The following NR2F1-AS1 variants were observed in gnomAD, a reference collection of about 807,000 sequenced individuals.
The protein encoded by NR2F1-AS1 is NR2F1 antisense RNA 1.
chr5:93,515,170 T>C (rs891505708), intron 4 of NR2F1-AS1, among the ~76,000 whole-genome samples: 7 of 151,962 alleles, frequency 4.6e-5, no homozygotes, highest in Admixed American at 6.6e-5. Flanking sequence ...ATTTTAAGTG[T>C]ATGAAGTGAA....
Position 93,579,284 on chromosome 5 carries a change from A to T in NR2F1-AS1, n.313+1183T>A, listed in dbSNP as rs1752965200. Among the ~76,000 whole-genome samples, 1 of 152,120 alleles carries T rather than the reference A, an allele frequency of 6.6e-6. No individual in the cohort carries two copies. Among genetic ancestry groups the T allele is most frequent in the Non-Finnish European group, 1.5e-5 (1 of 68,016 alleles). On this transcript the variant is annotated intron_variant and non_coding_transcript_variant, in intron 1 of 5. Coordinates refer to ENST00000660523, the Ensembl canonical transcript of NR2F1-AS1. The surrounding 1 kb of genome is among the most constrained non-coding windows in gnomAD (Gnocchi z 5.1). ...CGCTGCTCCGGGCATCACCACCAAC[A>T]GCTTCCCACTCCCACCCCTGGGACT...
chr5:93,527,523 G>C (rs1751643202), intron 4 of NR2F1-AS1, among the ~76,000 whole-genome samples: 1 of 152,108 alleles, frequency 6.6e-6, no homozygotes, highest in South Asian at 2.1e-4. Context: ...AACCAAAAAA[G>C]AGCCTGTATA....
chr5:93,430,073 G>A (rs959679068), intron 4 of NR2F1-AS1, among the ~76,000 whole-genome samples: 6 of 152,060 alleles, frequency 3.9e-5, no homozygotes, highest in African/African-American at 7.2e-5. Context: ...AGTAGTCCTC[G>A]ACAATTAATT....
At chr5:93,572,219 A>C (rs1002845972) in intron 1 of NR2F1-AS1, among the ~76,000 whole-genome samples, 1 of 152,162 alleles carries the variant, frequency 6.6e-6, no homozygotes, top group African/African-American at 2.4e-5. Context: ...ACACACTCAC[A>C]CGGGCGCGTG....
At chr5:93,583,723 A>C (rs1395878308), upstream of NR2F1-AS1, 5 of 152,168 alleles carry the variant, frequency 3.3e-5, no homozygotes, top group Non-Finnish European at 5.9e-5. Flanking sequence ...ATAGCAGAAG[A>C]AGCAGAAGAA....
intron 2 of NR2F1-AS1, among the ~76,000 whole-genome samples, chr5:93,558,311 A>G (rs1378469571): frequency 1.3e-5 from 2 of 151,544 alleles, no homozygotes; most frequent in Non-Finnish European, 2.9e-5. Flanking sequence ...GCCTTATAAA[A>G]TGTATTTCTT....
chr5:93,541,267 A>G (rs1751944306), intron 4 of NR2F1-AS1, among the ~76,000 whole-genome samples: 1 of 152,206 alleles, frequency 6.6e-6, no homozygotes, highest in South Asian at 2.1e-4. Context: ...CACTCCTCCC[A>G]TGTGATAAGC....
chr5:93,493,452 C>A (rs1031480996), intron 4 of NR2F1-AS1, among the ~76,000 whole-genome samples: 1 of 151,998 alleles, frequency 6.6e-6, no homozygotes, highest in Non-Finnish European at 1.5e-5. Flanking sequence ...AATTGTAAGA[C>A]TTAATATTGT....
chr5:93,545,979 C>T (rs1331029268), intron 4 of NR2F1-AS1, among the ~76,000 whole-genome samples: 1 of 152,166 alleles, frequency 6.6e-6, no homozygotes, highest in African/African-American at 2.4e-5. Context: ...TATATAGAGA[C>T]AACCTGAGTG....
chr5:93,578,705 G>A (rs1234030508), intron 1 of NR2F1-AS1, among the ~76,000 whole-genome samples: 1 of 152,184 alleles, frequency 6.6e-6, no homozygotes, highest in Non-Finnish European at 1.5e-5. Flanking sequence ...CTGAAGAAGA[G>A]GGGGTGGGTG....
chr5:93,475,331 T>C (rs17083181), intron 4 of NR2F1-AS1, among the ~76,000 whole-genome samples: 15,539 of 152,054 alleles, frequency 0.1, 872 homozygotes, highest in Middle Eastern at 0.16. Context: ...AAAGCACCTC[T>C]AGAAATAGAT....
intron 1 of NR2F1-AS1, among the ~76,000 whole-genome samples, chr5:93,569,513 C>T (rs2880860): frequency 4.6e-5 from 7 of 152,174 alleles, no homozygotes; most frequent in Admixed American, 4.6e-4. Flanking sequence ...GCTGGTGGTG[C>T]TGCTGCGGAG....
chr5:93,474,913 C>G (rs1021679391), intron 4 of NR2F1-AS1, among the ~76,000 whole-genome samples: 1 of 152,106 alleles, frequency 6.6e-6, no homozygotes, highest in Non-Finnish European at 1.5e-5. Context: ...ATCACAAGGT[C>G]AGGAGATCGA....
intron 2 of NR2F1-AS1, among the ~76,000 whole-genome samples, chr5:93,563,121 G>C (rs902148366): frequency 2.0e-5 from 3 of 152,196 alleles, no homozygotes; most frequent in Admixed American, 1.3e-4. Flanking sequence ...ATTAAGAACT[G>C]AGTAGAAATG....
intron 4 of NR2F1-AS1, among the ~76,000 whole-genome samples, chr5:93,504,010 A>C (rs1751136623): frequency 6.6e-6 from 1 of 152,206 alleles, no homozygotes; most frequent in African/African-American, 2.4e-5. Flanking sequence ...GCAGACTAAT[A>C]AGCTGGTTTC....
intron 4 of NR2F1-AS1, among the ~76,000 whole-genome samples, chr5:93,467,908 T>C (rs374831143): frequency 5.9e-5 from 9 of 152,332 alleles, no homozygotes; most frequent in African/African-American, 1.7e-4. Context: ...ACATGCAGTG[T>C]TTGGTTTTCT....
intron 4 of NR2F1-AS1, among the ~76,000 whole-genome samples, chr5:93,548,563 T>A (rs1230011932): frequency 6.6e-6 from 1 of 152,222 alleles, no homozygotes; most frequent in Non-Finnish European, 1.5e-5. Context: ...AAAGTTTTTT[T>A]CTATAATTAA....
At chr5:93,512,136 C>T (rs1356689644) in intron 4 of NR2F1-AS1, among the ~76,000 whole-genome samples, 1 of 152,142 alleles carries the variant, frequency 6.6e-6, no homozygotes, top group African/African-American at 2.4e-5. Context: ...GATGACAGCT[C>T]CATGCATGTT....
intron 4 of NR2F1-AS1, among the ~76,000 whole-genome samples, chr5:93,444,574 G>A (rs1334392710): frequency 3.9e-5 from 6 of 152,252 alleles, no homozygotes; most frequent in Non-Finnish European, 8.8e-5. Flanking sequence ...CCTACAAAGA[G>A]ATGTACACTC....
Sources: gnomAD v4.1 joint callset for allele counts (sites outside exome capture counted in the v4.1 genomes callset) on GRCh38, gnomAD v4.1.1 for gene constraint, Gnocchi (gnomAD v3.1) non-coding constraint, MANE v1.5 for transcripts, NCBI Gene and HGNC (gene_info 2026-07-23, HGNC 2026-07-21) for gene names.